Variants in VEPH1 observed in about 807,000 individuals in gnomAD.
VEPH1 encodes the protein ventricular zone expressed PH domain containing 1.
VEPH1 carries 80 observed loss-of-function variants against 85.2 expected under a neutral mutation model. The observed-to-expected ratio is 0.94, with a 90% CI of 0.78 to 1.13. VEPH1 has a LOEUF of 1.13. Ranked by LOEUF, VEPH1 falls within the 50% of genes most tolerant of loss-of-function variation. The probability of loss-of-function intolerance (pLI) is 0.00; values close to 1 mark genes in which losing one functional copy is unlikely to be tolerated. For synonymous variants in VEPH1, 297 were observed against 348.0 expected, an observed-to-expected ratio of 0.85 and a Z score of 1.63; for missense variants, 955 against 980.5, an observed-to-expected ratio of 0.97 and a Z score of 0.35.
At chr3:157,330,753 T>A (rs1722408492) in intron 9 of VEPH1, among the ~76,000 whole-genome samples, 2 of 152,050 alleles carry the variant, frequency 1.3e-5, no homozygotes. Context: ...AGAGCAGCAA[T>A]CTCCTTCCCA....
chr3:157,415,285 G>C (rs1288012843), intron 5 of VEPH1: 1 of 152,132 alleles, frequency 6.6e-6, no homozygotes, highest in Non-Finnish European at 1.5e-5. Context: ...AGGTGATGGG[G>C]ATAGCAATAA....
chr3:157,428,114 CGCA>C (rs1732882673), intron 5 of VEPH1, among the ~76,000 whole-genome samples: 1 of 151,898 alleles, frequency 6.6e-6, no homozygotes, highest in African/African-American at 2.4e-5. Flanking sequence ...GCATCTAGCT[CGCA>C]GATGACAGAT....
intron 11 of VEPH1, among the ~76,000 whole-genome samples, chr3:157,310,607 A>G (rs1217223521): frequency 6.6e-6 from 1 of 152,196 alleles, no homozygotes; most frequent in Non-Finnish European, 1.5e-5. Context: ...AAAACAACAG[A>G]TGTTTCTTTC....
chr3:157,309,498 T>G (rs1449064608), intron 11 of VEPH1, among the ~76,000 whole-genome samples: 1 of 152,130 alleles, frequency 6.6e-6, no homozygotes, highest in Non-Finnish European at 1.5e-5. Context: ...GGAAACCCAG[T>G]CTAATTAGTG....
At chr3:157,262,801 CT>C (rs1161032691) in intron 13 of VEPH1, among the ~76,000 whole-genome samples, 2 of 152,054 alleles carry the variant, frequency 1.3e-5, no homozygotes, top group African/African-American at 4.8e-5. Flanking sequence ...TTTCAAAATT[CT>C]TTTAGGGTAC....
intron 9 of VEPH1, among the ~76,000 whole-genome samples, chr3:157,347,615 T>C (rs1440355187): frequency 6.6e-6 from 1 of 152,182 alleles, no homozygotes; most frequent in African/African-American, 2.4e-5. Flanking sequence ...GATGCACATG[T>C]GGTGATTGGA....
At position 157,372,052 on chromosome 3, in the gene VEPH1, G is replaced by A. The variant is rs75764116; in HGVS notation, c.1128-7540C>T. Among the ~76,000 whole-genome samples the A allele has an allele frequency of 6.7e-3, 1,024 of 152,292 alleles. 19 individuals carry two copies. Among genetic ancestry groups the A allele is most frequent in the African/African-American group, 0.023 (976 of 41,542 alleles). ...GCACTGTCAATCAAGAGGGAGACCT[G>A]TAAGGCAATGTGCTCTTCTTTGTCT... On this transcript the variant is annotated intron_variant, in intron 7 of 13. Coordinates refer to ENST00000362010, the MANE Select transcript of VEPH1 (RefSeq NM_001167912.2).
At position 157,381,190 on chromosome 3, in the gene VEPH1, G is replaced by T. The variant is rs970724041; in HGVS notation, c.1093C>A (p.Arg365=). ...CCAGCCTTGGTATTTTCCAGTTGTC[G>T]GGTAAGGAGTTTAGCAATGGCGGTG... is the stretch of plus-strand genomic sequence containing the variant. The part of the protein sequence containing the change: ...SFTAIAKLLT[R]QLENTKAGSG... Residue 365 remains arginine, a synonymous_variant, in exon 7 of 14, where the codon CGA becomes AGA. Coordinates refer to ENST00000362010, the MANE Select transcript of VEPH1 (RefSeq NM_001167912.2). 2 of 1,613,918 alleles carry T rather than the reference G, an allele frequency of 1.2e-6. No individual in the cohort carries two copies. The highest frequency in any genetic ancestry group is 3.3e-5 in the Admixed American group (2 of 60,018).
chr3:157,335,171 G>GT (rs1236076096), intron 9 of VEPH1, among the ~76,000 whole-genome samples: 1 of 151,658 alleles, frequency 6.6e-6, no homozygotes, highest in Non-Finnish European at 1.5e-5. Flanking sequence ...ATTGGGAGGT[G>GT]TTTTTTTCTT....
intron 4 of VEPH1, among the ~76,000 whole-genome samples, chr3:157,447,195 T>A (rs567025478): frequency 2.0e-5 from 3 of 152,332 alleles, no homozygotes; most frequent in East Asian, 3.9e-4. Flanking sequence ...TGTCCAAATC[T>A]ATGCAGGCCT....
intron 2 of VEPH1, among the ~76,000 whole-genome samples, chr3:157,488,095 G>A (rs965430944): frequency 2.0e-5 from 3 of 152,128 alleles, no homozygotes; most frequent in African/African-American, 4.8e-5. Context: ...TTATTTTAAA[G>A]TGATGACTTA....
intron 6 of VEPH1, among the ~76,000 whole-genome samples, chr3:157,390,956 C>A (rs1390548826): frequency 6.6e-6 from 1 of 152,234 alleles, no homozygotes; most frequent in Non-Finnish European, 1.5e-5. Context: ...TGCCAGCGCC[C>A]AAAGCGGAAG....
chr3:157,393,545 T>C (rs1170833221), intron 6 of VEPH1, among the ~76,000 whole-genome samples: 1 of 152,214 alleles, frequency 6.6e-6, no homozygotes, highest in Non-Finnish European at 1.5e-5. Flanking sequence ...TGTTTTATTA[T>C]AAAGATTACT....
At chr3:157,404,710 G>T (rs959523250) in intron 6 of VEPH1, among the ~76,000 whole-genome samples, 1 of 152,156 alleles carries the variant, frequency 6.6e-6, no homozygotes, top group African/African-American at 2.4e-5. Context: ...TTCCTCACAT[G>T]CATACGCCAT....
intron 4 of VEPH1, among the ~76,000 whole-genome samples, chr3:157,444,996 T>C (rs1734431114): frequency 6.6e-6 from 1 of 152,180 alleles, no homozygotes; most frequent in East Asian, 1.9e-4. Flanking sequence ...TCAGAGTAAA[T>C]TCTATATTTT....
At chr3:157,379,235 C>T (rs1319837089) in intron 7 of VEPH1, among the ~76,000 whole-genome samples, 2 of 152,148 alleles carry the variant, frequency 1.3e-5, no homozygotes, top group Non-Finnish European at 2.9e-5. Flanking sequence ...CTTTCCTGCC[C>T]TACTGAACAA....
intron 7 of VEPH1, among the ~76,000 whole-genome samples, chr3:157,371,418 G>A (rs1022891478): frequency 2.6e-5 from 4 of 152,160 alleles, no homozygotes; most frequent in African/African-American, 7.2e-5. Context: ...TAACCAACAT[G>A]GGAGAGAATA....
Position 157,381,236 on chromosome 3 carries a change from G to C in VEPH1, c.1047C>G (p.Ile349Met), listed in dbSNP as rs35554741. The part of the protein sequence containing the change: ...SSILGPQSRD[I>M]FRMSNSFTAI... Reference sequence around the variant, plus strand: ...CGGTGAAGCTGTTGCTCATGCGGAAGATGTCTCTGCTCTGAGGGCCCAAGA... The same window carrying C: ...CGGTGAAGCTGTTGCTCATGCGGAACATGTCTCTGCTCTGAGGGCCCAAGA... Residue 349 changes from isoleucine (I) to methionine (M), a missense_variant, in exon 7 of 14, where the codon ATC (isoleucine) becomes ATG (methionine). Transcript: ENST00000362010. 1.1e-3 allele frequency: 1,806 copies of C among 1,614,082 alleles called. 2 individuals carry two copies. Among genetic ancestry groups the C allele is most frequent in the Non-Finnish European group, 1.4e-3 (1,660 of 1,180,006 alleles).
intron 9 of VEPH1, among the ~76,000 whole-genome samples, chr3:157,320,227 C>G (rs1721213006): frequency 6.6e-6 from 1 of 152,052 alleles, no homozygotes; most frequent in Non-Finnish European, 1.5e-5. Flanking sequence ...GAACTTACAA[C>G]AATGGTTATA....
Sources: gnomAD v4.1 joint callset for allele counts (sites outside exome capture counted in the v4.1 genomes callset) on GRCh38, gnomAD v4.1.1 for gene constraint, MANE v1.5 for transcripts, NCBI Gene and HGNC (gene_info 2026-07-23, HGNC 2026-07-21) for gene names.